HSDL2: variants seen among roughly 807,000 people sequenced by gnomAD.
HSDL2 encodes hydroxysteroid dehydrogenase-like protein 2.
In HSDL2, 27 loss-of-function variants were observed where a neutral mutation model predicts 46.3. The observed-to-expected ratio is 0.58, with a 90% CI of 0.43 to 0.80. HSDL2 has a LOEUF of 0.80. Among genes scored for constraint, HSDL2 ranks in the 30% least tolerant of loss-of-function variants. The probability of loss-of-function intolerance (pLI) is 0.00; values close to 1 mark genes in which losing one functional copy is unlikely to be tolerated. For missense variants in HSDL2, 451 were observed against 502.7 expected (o/e 0.90, Z 0.98); for synonymous variants, 153 against 163.6 (o/e 0.94, Z 0.50).
In HSDL2 at chr9:112,470,704, T is replaced by A. The variant is rs990543029; in HGVS notation, c.*160T>A. 2.0e-6 allele frequency: 1 copy of A among 509,766 alleles called. No individual in the cohort carries two copies. Among genetic ancestry groups the A allele is most frequent in the Non-Finnish European group, 3.5e-6 (1 of 289,616 alleles). The allele number at this position is 509,766 out of a possible 1,614,324, so 31.6% of individuals were successfully genotyped here. ...TCTCTAAAAGACTTGAAATTGTAATTAAAATGGCAAGCTAATCAAACATAA... is the reference window on the plus strand; with the variant it reads ...TCTCTAAAAGACTTGAAATTGTAATAAAAATGGCAAGCTAATCAAACATAA... On this transcript the variant is annotated 3_prime_UTR_variant, in exon 11 of 11. Transcript: ENST00000398805.
At chr9:112,460,129 C>T (rs1833159131) in intron 10 of HSDL2, among the ~76,000 whole-genome samples, 1 of 152,162 alleles carries the variant, frequency 6.6e-6, no homozygotes, top group South Asian at 2.1e-4. Flanking sequence ...CTCTTTTCTA[C>T]TCTTAGAAAA....
chr9:112,428,506 G>A (rs1256287532), intron 6 of HSDL2, among the ~76,000 whole-genome samples: 1 of 152,220 alleles, frequency 6.6e-6, no homozygotes, highest in Non-Finnish European at 1.5e-5. Context: ...GGTGAGGCAT[G>A]AAATCAATTT....
chr9:112,468,144 G>C (rs1041981876), intron 10 of HSDL2, among the ~76,000 whole-genome samples: 1 of 152,046 alleles, frequency 6.6e-6, no homozygotes, highest in Non-Finnish European at 1.5e-5. Context: ...TTGAGAATTT[G>C]ATGTTGTTCG....
chr9:112,398,348 A>T (rs747550856), intron 1 of HSDL2, among the ~76,000 whole-genome samples: 19 of 152,176 alleles, frequency 1.2e-4, no homozygotes, highest in Non-Finnish European at 2.1e-4. Flanking sequence ...CGGAGCCATC[A>T]GATGGCTCCG....
chr9:112,394,779 G>A (rs1831421593), intron 1 of HSDL2, among the ~76,000 whole-genome samples: 1 of 152,174 alleles, frequency 6.6e-6, no homozygotes, highest in Non-Finnish European at 1.5e-5. Flanking sequence ...GAGGCACAGA[G>A]GAGGGTATTT....
At chr9:112,413,250 G>A (rs113617341) in intron 4 of HSDL2, among the ~76,000 whole-genome samples, 244 of 152,094 alleles carry the variant, frequency 1.6e-3, no homozygotes, top group African/African-American at 5.6e-3. Context: ...AGGCCAAGGC[G>A]GGCAGATTAC....
chr9:112,466,788 T>C (rs1833404057), intron 10 of HSDL2, among the ~76,000 whole-genome samples: 1 of 152,234 alleles, frequency 6.6e-6, no homozygotes, highest in African/African-American at 2.4e-5. Context: ...TATATTTTCT[T>C]CTAAGAGTTT....
chr9:112,470,342 G>A (rs1267498354), intron 10 of HSDL2, 90 bp from the exon 11 acceptor site: 5 of 718,688 alleles, frequency 7.0e-6, no homozygotes, highest in Non-Finnish European at 1.2e-5. Flanking sequence ...TAGAACTCAA[G>A]GAGATTCTTT....
chr9:112,429,505 C>A (rs1373911028), intron 6 of HSDL2, among the ~76,000 whole-genome samples: 3 of 152,180 alleles, frequency 2.0e-5, no homozygotes, highest in Non-Finnish European at 4.4e-5. Context: ...AAAAAGCCTT[C>A]TTTGACTCTT....
intron 6 of HSDL2, among the ~76,000 whole-genome samples, chr9:112,429,033 G>C (rs1832320927): frequency 6.6e-6 from 1 of 152,158 alleles, no homozygotes; most frequent in African/African-American, 2.4e-5. Flanking sequence ...CAAGTAGCTG[G>C]GATTTCAGGC....
intron 1 of HSDL2, among the ~76,000 whole-genome samples, chr9:112,386,351 G>A (rs1292831167): frequency 6.6e-6 from 1 of 152,052 alleles, no homozygotes; most frequent in Non-Finnish European, 1.5e-5. Flanking sequence ...AAAGTATTTG[G>A]ATTATAATGA....
At chr9:112,461,196 G>T (rs576913194) in intron 10 of HSDL2, among the ~76,000 whole-genome samples, 1 of 152,022 alleles carries the variant, frequency 6.6e-6, no homozygotes, top group Non-Finnish European at 1.5e-5. Context: ...TCCTGCCTCA[G>T]CCTCCAGAGT....
chr9:112,406,920 C>T (rs886684318), intron 3 of HSDL2, among the ~76,000 whole-genome samples: 3 of 152,176 alleles, frequency 2.0e-5, no homozygotes, highest in African/African-American at 4.8e-5. Context: ...GGCACCTAGG[C>T]ATGTCCAAAT....
intron 1 of HSDL2, among the ~76,000 whole-genome samples, chr9:112,389,599 C>G (rs1831293947): frequency 6.6e-6 from 1 of 152,050 alleles, no homozygotes; most frequent in South Asian, 2.1e-4. Flanking sequence ...GAAATTATAT[C>G]ATAATGAAAT....
intron 1 of HSDL2, among the ~76,000 whole-genome samples, chr9:112,402,964 C>T (rs1417950617): frequency 6.6e-6 from 1 of 151,816 alleles, no homozygotes; most frequent in Admixed American, 6.6e-5. Context: ...AAAACACACA[C>T]ACACACACAA....
intron 8 of HSDL2, among the ~76,000 whole-genome samples, chr9:112,450,061 C>T (rs1051608572): frequency 1.3e-5 from 2 of 152,114 alleles, no homozygotes; most frequent in Non-Finnish European, 2.9e-5. Flanking sequence ...CTTAACATAG[C>T]TTTGGCTACA....
intron 4 of HSDL2, among the ~76,000 whole-genome samples, chr9:112,413,103 A>G (rs1410576221): frequency 6.6e-6 from 1 of 152,172 alleles, no homozygotes. Flanking sequence ...AAGACCTCAC[A>G]CTGACTTTTG....
At chr9:112,436,476 A>AT (rs1832526171) in intron 6 of HSDL2, among the ~76,000 whole-genome samples, 1 of 151,998 alleles carries the variant, frequency 6.6e-6, no homozygotes, top group Admixed American at 6.6e-5. Context: ...CTTAATAACT[A>AT]TTTGTTAAAT....
At chr9:112,434,086 T>C (rs1832464623) in intron 6 of HSDL2, 1 of 152,206 alleles carries the variant, frequency 6.6e-6, no homozygotes, top group African/African-American at 2.4e-5. Flanking sequence ...ATTTTTTTCT[T>C]TTTATAAGAC....
Sources: gnomAD v4.1 joint callset for allele counts (sites outside exome capture counted in the v4.1 genomes callset) on GRCh38, gnomAD v4.1.1 for gene constraint, MANE v1.5 for transcripts, NCBI Gene and HGNC (gene_info 2026-07-23, HGNC 2026-07-21) for gene names.